The following FN1 variants were observed in gnomAD, a reference collection of about 807,000 sequenced individuals.
FN1 encodes fibronectin.
FN1 carries 106 observed loss-of-function variants against 297.3 expected under a neutral mutation model. That is an observed-to-expected ratio of 0.36 (90% confidence interval 0.30 to 0.42). The LOEUF (loss-of-function observed/expected upper bound fraction) is 0.42, where lower values mean the gene tolerates loss of function less well. Ranked by LOEUF, FN1 falls within the 10% of genes least tolerant of loss-of-function variation. FN1 has a pLI of 1.00. For synonymous variants in FN1, 1,149 were observed against 1,152.6 expected (o/e 1.00, Z 0.06); for missense variants, 2,690 against 3,124.9 (o/e 0.86, Z 3.32).
In FN1 at chr2:215,433,314, T is replaced by C; in HGVS notation, c.415+10A>G. On this transcript the variant is annotated intron_variant, in intron 3 of 45. Transcript: ENST00000354785. Reference sequence around the variant, plus strand: ...TATTTTGGCATCATTTTACACAATCTCTTCCTTACTTGCGATGGTACAGCT... The same window carrying C: ...TATTTTGGCATCATTTTACACAATCCCTTCCTTACTTGCGATGGTACAGCT... 2 of 1,614,112 alleles carry C rather than the reference T, an allele frequency of 1.2e-6. No homozygotes were observed. The highest frequency in any genetic ancestry group is 8.5e-7 in the Non-Finnish European group (1 of 1,179,932).
At position 215,382,326 on chromosome 2, in the gene FN1, C is replaced by T. The variant is rs1195701016; in HGVS notation, c.5051-1G>A. 1.0e-5 allele frequency: 16 copies of T among 1,596,492 alleles called. No individual in the cohort carries two copies. Among genetic ancestry groups the T allele is most frequent in the Non-Finnish European group, 1.4e-5 (16 of 1,163,982 alleles). On this transcript the variant is annotated splice_acceptor_variant, in intron 31 of 45. Coordinates refer to ENST00000354785, the MANE Select transcript of FN1 (RefSeq NM_212482.4). LOFTEE classifies it high-confidence loss of function. ...CCTTCAATAGTCATTTCTGTTTGAT[C>T]TGCAAAGGGAGTGAAAAGCAAATGC...
At chr2:215,430,657 C>G in intron 5 of FN1, 58 bp downstream of exon 5, 1 of 1,590,632 alleles carries the variant, frequency 6.3e-7, no homozygotes, top group Non-Finnish European at 8.6e-7. Context: ...ACCCTTCTCT[C>G]TAGGAATCCA....
At chr2:215,377,748 T>G (rs893163534) in intron 35 of FN1, among the ~76,000 whole-genome samples, 2 of 152,188 alleles carry the variant, frequency 1.3e-5, no homozygotes, top group Non-Finnish European at 2.9e-5. Context: ...CAAGCTTAGC[T>G]CTATGAAAAC....
chr2:215,428,407 A>G (rs1559594566), intron 5 of FN1, 69 bp from the exon 6 acceptor site: 11 of 1,382,480 alleles, frequency 8.0e-6, no homozygotes, highest in Non-Finnish European at 1.1e-5. Flanking sequence ...AAACTTAAAA[A>G]AGGAATGCTA....
intron 36 of FN1, 45 bp from the exon 37 acceptor site, chr2:215,375,763 C>T (rs1166754037): frequency 2.3e-6 from 3 of 1,288,174 alleles, no homozygotes; most frequent in Non-Finnish European, 2.3e-6. Flanking sequence ...TTGCTTTTTA[C>T]TAGGAGAATT....
At position 215,361,560 on chromosome 2, in the gene FN1, CT is replaced by C; in HGVS notation, c.7428del (p.Glu2477SerfsTer23). 6.2e-7 allele frequency: 1 copy of C among 1,601,856 alleles called. No homozygotes were observed. The highest frequency in any genetic ancestry group is 1.1e-5 in the South Asian group (1 of 90,818). ...LDVQADREDS[R>X]E ...CTCTGGATTGGAAAGATGATTTACT[CT>C]CGGGAATCTTCTCTGTCAGCCTGTA... On this transcript the variant is annotated frameshift_variant, in exon 46 of 46. Coordinates refer to ENST00000354785, the MANE Select transcript of FN1 (RefSeq NM_212482.4). LOFTEE classifies it high-confidence loss of function.
chr2:215,408,726 C>T (rs777165842), intron 15 of FN1, among the ~76,000 whole-genome samples: 8 of 152,098 alleles, frequency 5.3e-5, no homozygotes, highest in Non-Finnish European at 1.0e-4. Context: ...CACCACCACA[C>T]CCGGCTATTT....
At chr2:215,362,260 A>C (rs190187140) in intron 44 of FN1, 181 bp from the exon 45 acceptor site, 1 of 631,164 alleles carries the variant, frequency 1.6e-6, no homozygotes, top group East Asian at 2.8e-5. Context: ...ATTTTGGCTT[A>C]TTACCATATC....
chr2:215,422,709 G>C (rs1042357037), intron 9 of FN1, among the ~76,000 whole-genome samples: 1 of 152,162 alleles, frequency 6.6e-6, no homozygotes, highest in South Asian at 2.1e-4. Context: ...TTGTCTCATA[G>C]TCACACTTGA....
At position 215,361,576 on chromosome 2, in the gene FN1, G is replaced by A. The variant is rs527756672; in HGVS notation, c.7413C>T (p.Asp2471=). ...ECFMPLDVQA[D]REDSRE is the part of the protein sequence containing the mutation. ...TGATTTACTCTCGGGAATCTTCTCTGTCAGCCTGTACATCTAAAGGCATGA... is the reference window on the plus strand; with the variant it reads ...TGATTTACTCTCGGGAATCTTCTCTATCAGCCTGTACATCTAAAGGCATGA... The change falls in exon 46 of 46, where the codon GAC becomes GAT. Residue 2471 remains aspartate (D), a synonymous_variant. Coordinates refer to ENST00000354785, the MANE Select transcript of FN1 (RefSeq NM_212482.4). The A allele has an allele frequency of 2.4e-5, 38 of 1,610,588 alleles. No individual in the cohort carries two copies. In the South Asian group the frequency reaches 4.2e-4, roughly 18 times the overall value.
rs2057320759 is a variant in FN1 at position 215,376,538 on chromosome 2, C to T, written c.5847G>A (p.Gln1949=). 2.5e-6 allele frequency: 4 copies of T among 1,613,934 alleles called. No individual in the cohort carries two copies. Among genetic ancestry groups the T allele is most frequent in the East Asian group, 2.2e-5 (1 of 44,878 alleles). The change falls in exon 36 of 46, where the codon CAG becomes CAA. Residue 1949 remains glutamine, a synonymous_variant. Coordinates refer to ENST00000354785, the MANE Select transcript of FN1 (RefSeq NM_212482.4). ...TTCTGACATCTGGCTTGATGGTTCT[C>T]TGGATTGGAGTCTGGCCATTGGCTG... The part of the protein sequence containing the change: ...AVPANGQTPI[Q]RTIKPDVRSY...
chr2:215,431,713 C>G lies in FN1; in HGVS notation c.547+120G>C. 3 of 1,038,486 alleles carry G rather than the reference C, an allele frequency of 2.9e-6. No homozygotes were observed. The South Asian group carries it at 3.9e-5, about 13-fold the overall frequency. The allele number at this position is 1,038,486 out of a possible 1,614,324, so 64.3% of individuals were successfully genotyped here. On this transcript the variant is annotated intron_variant, in intron 4 of 45. Transcript: ENST00000354785. ...TAATTCATTATTTCAAACAAAATTC[C>G]CATTTCTTTATTGGTTTTCACTGGA...
At chr2:215,384,299 C>G in intron 29 of FN1, 115 bp from the exon 30 acceptor site, 1 of 1,070,890 alleles carries the variant, frequency 9.3e-7, no homozygotes. Context: ...CTTGCTTATT[C>G]CCTTTTAAAG....
chr2:215,412,191 CTT>C (rs11315848), intron 13 of FN1, among the ~76,000 whole-genome samples: 58 of 144,496 alleles, frequency 4.0e-4, no homozygotes, highest in East Asian at 1.0e-3. Context: ...AATGACTTTT[CTT>C]TTTTTTTTTT....
At position 215,424,300 on chromosome 2, in the gene FN1, G is replaced by A. The variant is rs756201919; in HGVS notation, c.1062C>T (p.Asn354=). The change falls in exon 8 of 46, where the codon AAC becomes AAT. Residue 354 remains asparagine, a synonymous_variant. Transcript: ENST00000354785. ...GTAAGACACATGGCTCTCCATTTGA[G>A]TTGCCACCGTAAGTCTGGGTTACAG... ...ETAVTQTYGG[N]SNGEPCVLPF... is the part of the protein sequence containing the mutation. 9.3e-6 allele frequency: 15 copies of A among 1,613,904 alleles called. No homozygotes were observed. Among genetic ancestry groups the A allele is most frequent in the Non-Finnish European group, 1.7e-6 (2 of 1,179,918 alleles).
At chr2:215,407,749 C>A (rs947695670) in intron 17 of FN1, among the ~76,000 whole-genome samples, 1 of 152,070 alleles carries the variant, frequency 6.6e-6, no homozygotes, top group African/African-American at 2.4e-5. Context: ...TGAGCTAAGA[C>A]GACAGCTCAG....
At chr2:215,383,872 ACT>A (rs2058549923) in intron 30 of FN1, 146 bp downstream of exon 30, 1 of 863,824 alleles carries the variant, frequency 1.2e-6, no homozygotes, top group Non-Finnish European at 1.8e-6. Flanking sequence ...CTGGCTCAAA[ACT>A]CTGTTCGCTG....
At chr2:215,434,903 T>C in intron 1 of FN1, 79 bp from the exon 2 acceptor site, 5 of 1,512,276 alleles carry the variant, frequency 3.3e-6, no homozygotes, top group Non-Finnish European at 4.6e-6. Flanking sequence ...ATGTGAATAT[T>C]GACGTACATA....
chr2:215,397,199 T>C lies in FN1; in HGVS notation c.3542A>G (p.His1181Arg), dbSNP rs770889027. The change falls in exon 23 of 46, where the codon CAT becomes CGT. Residue 1181 changes from histidine (H) to arginine (R), a missense_variant. Physicochemically the swap from His to Arg is conservative, Grantham distance 29 (BLOSUM62 0). Around this residue, in one of 3 missense-constraint regions of FN1, gnomAD observed 1,743 missense variants for 1,945.2 expected, o/e 0.90. Transcript: ENST00000354785. ...VTPLSPPTNL[H>R]LEANPDTGVL... Reference sequence around the variant, plus strand: ...TCCAGTGTCAGGGTTTGCCTCCAGATGCAAGTTTGTTGGTGGAGACAATGC... The same window carrying C: ...TCCAGTGTCAGGGTTTGCCTCCAGACGCAAGTTTGTTGGTGGAGACAATGC... 1.2e-6 allele frequency: 2 copies of C among 1,613,868 alleles called. No homozygotes were observed. The highest frequency in any genetic ancestry group is 1.7e-6 in the Non-Finnish European group (2 of 1,179,728).
Sources: allele counts gnomAD v4.1 joint callset (sites outside exome capture counted in the v4.1 genomes callset), GRCh38; gene constraint gnomAD v4.1.1; regional missense constraint gnomAD v4.1.1; transcripts MANE v1.5; gene names NCBI Gene and HGNC (gene_info 2026-07-23, HGNC 2026-07-21).